KHDRBS2: variants seen among roughly 807,000 people sequenced by gnomAD.
KHDRBS2 encodes KH domain-containing, RNA-binding, signal transduction-associated protein 2.
Under a neutral mutation model 44.3 loss-of-function variants are expected in KHDRBS2, and 26 were observed. That is an observed-to-expected ratio of 0.59 (90% CI 0.43 to 0.81). The LOEUF is 0.81. Ranked by LOEUF, KHDRBS2 falls within the 40% of genes least tolerant of loss-of-function variation. The pLI is 0.00. For synonymous variants in KHDRBS2, 194 were observed against 151.1 expected (o/e 1.28, Z -2.08); for missense variants, 476 against 433.1 (o/e 1.10, Z -0.88).
chr6:61,865,452 C>T (rs1189580687), intron 6 of KHDRBS2, among the ~76,000 whole-genome samples: 1 of 151,998 alleles, frequency 6.6e-6, no homozygotes, highest in Non-Finnish European at 1.5e-5. Flanking sequence ...CAGGGGAACT[C>T]CTCATTATAA....
chr6:61,693,189 T>G (rs1027504356), intron 8 of KHDRBS2, among the ~76,000 whole-genome samples: 2 of 152,172 alleles, frequency 1.3e-5, no homozygotes, highest in African/African-American at 4.8e-5. Context: ...GATATTTGAC[T>G]TGTGTGGGTC....
At position 61,893,541 on chromosome 6, in the gene KHDRBS2, C is replaced by T. The variant is rs551326975; in HGVS notation, c.810+1094G>A. 5.3e-4 allele frequency among the ~76,000 whole-genome samples: 80 copies of T among 152,290 alleles called. 1 individual carries two copies. The South Asian group carries it at 0.015, about 28-fold the overall frequency. The stretch of plus-strand genomic sequence containing the variant: ...TAGACTGGATTAAGAAAACGTGGCA[C>T]ATATACACCATGGAATACTATGCAG... On this transcript the variant is annotated intron_variant, in intron 6 of 8. Transcript: ENST00000281156.
chr6:61,595,467 C>G, the KHDRBS2 span, among the ~76,000 whole-genome samples: 2 of 152,176 alleles, frequency 1.3e-5, no homozygotes, highest in East Asian at 1.9e-4. Context: ...CGCTGAGAAA[C>G]AAAACTATTT....
intron 7 of KHDRBS2, among the ~76,000 whole-genome samples, chr6:61,701,447 A>C (rs1357562261): frequency 1.3e-5 from 2 of 151,954 alleles, no homozygotes; most frequent in Non-Finnish European, 2.9e-5. Flanking sequence ...ACATCTTTCC[A>C]TTGGACTTTG....
intron 4 of KHDRBS2, among the ~76,000 whole-genome samples, chr6:61,951,697 A>C (rs1178100919): frequency 6.6e-6 from 1 of 152,050 alleles, no homozygotes; most frequent in East Asian, 1.9e-4. Flanking sequence ...ATTACTGAAC[A>C]CTCACAGGAG....
intron 6 of KHDRBS2, among the ~76,000 whole-genome samples, chr6:61,751,124 A>G (rs1777627565): frequency 6.6e-6 from 1 of 152,120 alleles, no homozygotes; most frequent in African/African-American, 2.4e-5. Flanking sequence ...AACTGAGGAT[A>G]ACCTTGTATG....
intron 3 of KHDRBS2, among the ~76,000 whole-genome samples, chr6:61,990,571 T>C (rs1775942225): frequency 6.6e-6 from 1 of 152,162 alleles, no homozygotes; most frequent in Admixed American, 6.5e-5. Flanking sequence ...CAACTGGCAT[T>C]GAACTTCTCA....
intron 2 of KHDRBS2, among the ~76,000 whole-genome samples, chr6:62,050,963 A>T (rs1788891131): frequency 6.6e-6 from 1 of 152,120 alleles, no homozygotes; most frequent in Non-Finnish European, 1.5e-5. Flanking sequence ...TGATTGACAC[A>T]ACAACCTGGA....
intron 4 of KHDRBS2, among the ~76,000 whole-genome samples, chr6:61,955,936 G>C (rs890842653): frequency 2.0e-5 from 3 of 152,080 alleles, no homozygotes; most frequent in Admixed American, 2.0e-4. Context: ...CAGCTAGTAA[G>C]CAAAGGAGCA....
the KHDRBS2 span, among the ~76,000 whole-genome samples, chr6:61,602,304 AG>A: frequency 2.0e-5 from 3 of 152,156 alleles, no homozygotes; most frequent in African/African-American, 7.2e-5. Context: ...CCAGGACACA[AG>A]AACTTCCAAA....
chr6:61,923,775 C>T (rs1808478293), intron 4 of KHDRBS2, among the ~76,000 whole-genome samples: 1 of 152,070 alleles, frequency 6.6e-6, no homozygotes. Flanking sequence ...AGTCTGCTCT[C>T]ACCACTTCTA....
intron 1 of KHDRBS2, among the ~76,000 whole-genome samples, chr6:62,256,784 TGAAGAGAAACTATATGGAATATGG>T (rs1263060964): frequency 6.6e-6 from 1 of 152,120 alleles, no homozygotes. Flanking sequence ...CAGGTTACAC[TGAAGAGAAACTATATGGAATATGG>T]GAACAGAAAC....
intron 2 of KHDRBS2, among the ~76,000 whole-genome samples, chr6:62,074,620 G>A (rs1795963788): frequency 6.6e-6 from 1 of 151,654 alleles, no homozygotes. Flanking sequence ...TGTTTAACTA[G>A]ATCAACGTTT....
chr6:61,572,098 A>G, the KHDRBS2 span, among the ~76,000 whole-genome samples: 1 of 152,124 alleles, frequency 6.6e-6, no homozygotes, highest in Non-Finnish European at 1.5e-5. Flanking sequence ...AGAAGAGAGA[A>G]GATCCAAATA....
intron 3 of KHDRBS2, among the ~76,000 whole-genome samples, chr6:62,003,110 C>G (rs1778567704): frequency 6.6e-6 from 1 of 151,836 alleles, no homozygotes; most frequent in South Asian, 2.1e-4. Flanking sequence ...AAACATACTT[C>G]CAATTCAGAC....
At chr6:62,113,035 C>T (rs901077466) in intron 2 of KHDRBS2, among the ~76,000 whole-genome samples, 1 of 152,010 alleles carries the variant, frequency 6.6e-6, no homozygotes, top group African/African-American at 2.4e-5. Flanking sequence ...ACATTACATC[C>T]AAAATGATTT....
intron 4 of KHDRBS2, among the ~76,000 whole-genome samples, chr6:61,957,983 T>C (rs997550931): frequency 6.6e-6 from 1 of 152,092 alleles, no homozygotes; most frequent in African/African-American, 2.4e-5. Flanking sequence ...TTAGGGAAAA[T>C]AGAAAAGAAC....
At chr6:61,781,599 G>T (rs1042427741) in intron 6 of KHDRBS2, among the ~76,000 whole-genome samples, 2 of 152,014 alleles carry the variant, frequency 1.3e-5, no homozygotes. Flanking sequence ...TTTCATTTAT[G>T]TATTTTATCT....
chr6:61,584,692 A>G, the KHDRBS2 span, among the ~76,000 whole-genome samples: 18 of 152,008 alleles, frequency 1.2e-4, no homozygotes, highest in East Asian at 9.7e-4. Flanking sequence ...TATGGTAGCA[A>G]TGTGAGTGCA....
Sources: allele counts gnomAD v4.1 joint callset (sites outside exome capture counted in the v4.1 genomes callset), GRCh38; gene constraint gnomAD v4.1.1; transcripts MANE v1.5; gene names NCBI Gene and HGNC (gene_info 2026-07-23, HGNC 2026-07-21).